SCAI: variants seen among roughly 807,000 people sequenced by gnomAD.
The protein encoded by SCAI is protein SCAI.
SCAI carries 24 observed loss-of-function variants against 92.2 expected under a neutral mutation model. The observed-to-expected ratio is 0.26, with a 90% CI of 0.19 to 0.37. SCAI has a LOEUF of 0.37. Among genes scored for constraint, SCAI ranks in the 10% least tolerant of loss-of-function variants. The probability of loss-of-function intolerance (pLI) is 1.00; values close to 1 mark genes in which losing one functional copy is unlikely to be tolerated. For missense variants in SCAI, 450 were observed against 736.2 expected (o/e 0.61, Z 4.50); for synonymous variants, 261 against 258.6 (o/e 1.01, Z -0.09).
intron 5 of SCAI, among the ~76,000 whole-genome samples, chr9:125,027,228 C>T (rs1309801797): frequency 6.6e-6 from 1 of 152,190 alleles, no homozygotes; most frequent in Non-Finnish European, 1.5e-5. Flanking sequence ...AGGACTAGGC[C>T]ACTTCCTCAA....
At chr9:125,096,552 T>G (rs1030339671) in intron 2 of SCAI, among the ~76,000 whole-genome samples, 2 of 151,924 alleles carry the variant, frequency 1.3e-5, no homozygotes, top group Non-Finnish European at 2.9e-5. Flanking sequence ...CTAGCCAAAG[T>G]TGTCTACCTT....
At chr9:125,018,731 T>C in intron 9 of SCAI, 68 bp downstream of exon 9, 2 of 1,338,768 alleles carry the variant, frequency 1.5e-6, no homozygotes, top group Non-Finnish European at 2.1e-6. Flanking sequence ...AAGAAAATAA[T>C]TCTGTGATCA....
chr9:124,971,187 C>T (rs546069233), intron 17 of SCAI, 183 bp downstream of exon 17: 13 of 395,988 alleles, frequency 3.3e-5, no homozygotes, highest in Admixed American at 3.0e-4. Context: ...TTATACTTTA[C>T]GTATTCAAAT....
chr9:125,102,635 T>C (rs937078957), intron 2 of SCAI, among the ~76,000 whole-genome samples: 1 of 152,002 alleles, frequency 6.6e-6, no homozygotes, highest in African/African-American at 2.4e-5. Context: ...TGTCACTCTG[T>C]CGCCCAGGCT....
chr9:125,136,622 G>A (rs1212523551), intron 2 of SCAI, among the ~76,000 whole-genome samples: 1 of 151,456 alleles, frequency 6.6e-6, no homozygotes. Context: ...CACCACGCCC[G>A]GCTAATTTTT....
chr9:124,965,883 A>C (rs1420446210), intron 17 of SCAI, among the ~76,000 whole-genome samples: 1 of 152,210 alleles, frequency 6.6e-6, no homozygotes, highest in Non-Finnish European at 1.5e-5. Context: ...CACTAAACAC[A>C]ATAAAAAATA....
At chr9:125,011,061 G>C (rs890075298) in intron 9 of SCAI, among the ~76,000 whole-genome samples, 3 of 152,144 alleles carry the variant, frequency 2.0e-5, no homozygotes, top group African/African-American at 7.2e-5. Flanking sequence ...ACCAAAAGTA[G>C]ATAAAACCAC....
At chr9:125,104,888 G>T (rs370822997) in intron 2 of SCAI, among the ~76,000 whole-genome samples, 6 of 151,084 alleles carry the variant, frequency 4.0e-5, no homozygotes, top group Non-Finnish European at 8.8e-5. Context: ...AACCTGCAAG[G>T]TGGAGGTTCC....
chr9:125,026,848 T>A lies in SCAI; in HGVS notation c.476A>T (p.Gln159Leu), dbSNP rs770613037. Residue 159 changes from glutamine to leucine, a missense_variant, in exon 6 of 18, where the codon CAG becomes CTG. Around this residue, in one of 3 missense-constraint regions of SCAI, gnomAD observed 360 missense variants for 601.8 expected, o/e 0.60. Coordinates refer to ENST00000336505, the MANE Select transcript of SCAI (RefSeq NM_001144877.3). ...ATTGACTTGAGAATAATATGATCTCTGTCTGATTGCAGAATAGAAGGAAAA... is the reference window on the plus strand; with the variant it reads ...ATTGACTTGAGAATAATATGATCTCAGTCTGATTGCAGAATAGAAGGAAAA... ...EAFSFYSAIR[Q>L]RSYYSQVNKE... 4 of 1,603,946 alleles carry A rather than the reference T, an allele frequency of 2.5e-6. No individual in the cohort carries two copies. Among genetic ancestry groups the A allele is most frequent in the Non-Finnish European group, 3.4e-6 (4 of 1,171,542 alleles).
At chr9:125,125,125 G>C (rs1474700161) in intron 2 of SCAI, among the ~76,000 whole-genome samples, 1 of 152,192 alleles carries the variant, frequency 6.6e-6, no homozygotes, top group East Asian at 1.9e-4. Flanking sequence ...GGAGGCTGAG[G>C]CAGGAGAATC....
chr9:125,056,329 G>A (rs1833665104), intron 2 of SCAI, among the ~76,000 whole-genome samples: 1 of 152,126 alleles, frequency 6.6e-6, no homozygotes, highest in African/African-American at 2.4e-5. Flanking sequence ...AGCCGGGCGT[G>A]GTGGTGGGCA....
At chr9:125,099,779 G>A (rs565351180) in intron 2 of SCAI, among the ~76,000 whole-genome samples, 17 of 152,224 alleles carry the variant, frequency 1.1e-4, no homozygotes, top group African/African-American at 3.9e-4. Flanking sequence ...TTGTATAAGT[G>A]GAATCATATT....
intron 2 of SCAI, among the ~76,000 whole-genome samples, chr9:125,128,007 C>CAAA (rs371348694): frequency 1.6e-4 from 21 of 134,630 alleles, no homozygotes; most frequent in South Asian, 4.7e-4. Flanking sequence ...GACTGCATCT[C>CAAA]AAAAAAAAAA....
At chr9:125,067,718 G>T (rs1047981237) in intron 2 of SCAI, among the ~76,000 whole-genome samples, 5 of 152,164 alleles carry the variant, frequency 3.3e-5, no homozygotes, top group African/African-American at 1.2e-4. Context: ...GACAACTAAT[G>T]AAGTTCAACG....
intron 2 of SCAI, among the ~76,000 whole-genome samples, chr9:125,114,894 C>T (rs184950117): frequency 6.6e-6 from 1 of 151,914 alleles, no homozygotes; most frequent in East Asian, 2.0e-4. Context: ...CTTCCTCAGC[C>T]TCCCAAGTAG....
chr9:124,994,040 T>G (rs1243616636), intron 14 of SCAI, among the ~76,000 whole-genome samples: 1 of 151,712 alleles, frequency 6.6e-6, no homozygotes, highest in Non-Finnish European at 1.5e-5. Context: ...CTGGCATTTT[T>G]TTTTTTTTTT....
chr9:125,031,654 T>C (rs1406212934), intron 3 of SCAI, among the ~76,000 whole-genome samples: 1 of 152,206 alleles, frequency 6.6e-6, no homozygotes, highest in African/African-American at 2.4e-5. Context: ...ATTTTGTCAA[T>C]AGCATTTCTT....
At chr9:124,965,127 C>A (rs549431135) in intron 17 of SCAI, among the ~76,000 whole-genome samples, 11 of 152,140 alleles carry the variant, frequency 7.2e-5, no homozygotes, top group African/African-American at 1.2e-4. Flanking sequence ...AATTATCAAA[C>A]CCTTTCTTGC....
intron 17 of SCAI, among the ~76,000 whole-genome samples, chr9:124,961,913 T>C (rs1485466824): frequency 6.6e-6 from 1 of 151,450 alleles, no homozygotes; most frequent in Non-Finnish European, 1.5e-5. Context: ...TACTTTCTTC[T>C]GCACTAAAAA....
Sources: gnomAD v4.1 joint callset for allele counts (sites outside exome capture counted in the v4.1 genomes callset) on GRCh38, gnomAD v4.1.1 for gene constraint, gnomAD v4.1.1 regional missense constraint, MANE v1.5 for transcripts, NCBI Gene and HGNC (gene_info 2026-07-23, HGNC 2026-07-21) for gene names.